CTSB: variants seen among roughly 807,000 people sequenced by gnomAD.
The protein encoded by CTSB is cathepsin B.
In CTSB, 57 loss-of-function variants were observed where a neutral mutation model predicts 44.3. The ratio of observed to expected loss-of-function variants is 1.29; its 90% CI spans 1.04 to 1.60. The LOEUF (loss-of-function observed/expected upper bound fraction) is 1.60. CTSB is among the 40% of genes most tolerant of loss of function. The probability of loss-of-function intolerance (pLI) is 0.00; values close to 1 mark genes in which losing one functional copy is unlikely to be tolerated. For synonymous variants in CTSB, 320 were observed against 168.0 expected (o/e 1.91, Z -7.00); for missense variants, 768 against 443.0 (o/e 1.73, Z -6.59).
chr8:11,857,685 A>G (rs918082962), intron 1 of CTSB, among the ~76,000 whole-genome samples: 1 of 151,978 alleles, frequency 6.6e-6, no homozygotes, highest in East Asian at 1.9e-4. Flanking sequence ...CCACTTCACT[A>G]GCAGGCGACT....
intron 8 of CTSB, chr8:11,846,318 G>C (rs1220179028): frequency 1.3e-5 from 2 of 152,406 alleles, no homozygotes; most frequent in African/African-American, 4.8e-5. Context: ...TGTCAAAGTG[G>C]AAATGCATCT....
At chr8:11,856,134 C>G (rs1815466377) in intron 1 of CTSB, among the ~76,000 whole-genome samples, 1 of 151,996 alleles carries the variant, frequency 6.6e-6, no homozygotes, top group Admixed American at 6.6e-5. Context: ...CAGTTTGGCA[C>G]TTCTTGCAGG....
chr8:11,848,923 G>A (rs1813980710), intron 5 of CTSB, 123 bp downstream of exon 5: 1 of 673,258 alleles, frequency 1.5e-6, no homozygotes, highest in East Asian at 2.9e-5. Flanking sequence ...GACTCTCGGA[G>A]TCTCCCCGAA....
chr8:11,848,824 G>A (rs944711185), intron 5 of CTSB: 2 of 470,140 alleles, frequency 4.3e-6, no homozygotes, highest in African/African-American at 3.9e-5. Flanking sequence ...CTGTTTTGCT[G>A]GGATGCCACC....
At chr8:11,863,998 C>G (rs151034183) in intron 1 of CTSB, among the ~76,000 whole-genome samples, 1 of 152,008 alleles carries the variant, frequency 6.6e-6, no homozygotes, top group Non-Finnish European at 1.5e-5. Flanking sequence ...ATAGTGAACA[C>G]GAAATAACAT....
In CTSB at chr8:11,848,036, G is replaced by A. The variant is rs144083065; in HGVS notation, c.532+31C>T. Reference sequence around the variant, plus strand: ...GGTTAATTGCTCAAACAATCCATCTGGCCAGAAAGTGGCCAAGGGGACACA... The same window carrying A: ...GGTTAATTGCTCAAACAATCCATCTAGCCAGAAAGTGGCCAAGGGGACACA... On this transcript the variant is annotated intron_variant, in intron 6 of 9. Coordinates refer to ENST00000353047, the MANE Select transcript of CTSB (RefSeq NM_001908.5). 3.6e-4 allele frequency: 557 copies of A among 1,545,100 alleles called. 2 individuals carry two copies. In the African/African-American group the frequency reaches 6.1e-3, roughly 17 times the overall value.
chr8:11,863,576 A>G (rs1816717735), intron 1 of CTSB, among the ~76,000 whole-genome samples: 1 of 152,196 alleles, frequency 6.6e-6, no homozygotes, highest in Admixed American at 6.5e-5. Context: ...TTGCACGAGT[A>G]AAAACATCAG....
rs2294140 is a variant in CTSB at position 11,848,168 on chromosome 8, C to G, written c.447-16G>C. 0.4 allele frequency: 636,057 copies of G among 1,609,610 alleles called. 126,809 individuals are homozygous for G. Among genetic ancestry groups the G allele is most frequent in the East Asian group, 0.48 (21,622 of 44,822 alleles). ...ACCATTACAGCTGAAAAGACAGCCTCTAATGAAAACCTCTGAGAGAAGCAC... is the reference window on the plus strand; with the variant it reads ...ACCATTACAGCTGAAAAGACAGCCTGTAATGAAAACCTCTGAGAGAAGCAC... On this transcript the variant is annotated splice_polypyrimidine_tract_variant and intron_variant, in intron 5 of 9. Coordinates refer to ENST00000353047, the MANE Select transcript of CTSB (RefSeq NM_001908.5).
Position 11,850,896 on chromosome 8 carries a change from G to C in CTSB, c.297C>G (p.Ile99Met), listed in dbSNP as rs144771892. The C allele has an allele frequency of 9.9e-6, 16 of 1,613,332 alleles. No homozygotes were observed. The highest frequency in any genetic ancestry group is 1.4e-5 in the Non-Finnish European group (16 of 1,179,586). The stretch of plus-strand genomic sequence containing the variant: ...AGGAGCCACAGGAGCCCTGGTCTCT[G>C]ATCTCTTTGATGGTGGGACACTGTG... Reference protein sequence around the residue: ...QWPQCPTIKEIRDQGSCGSCW... With the variant: ...QWPQCPTIKEMRDQGSCGSCW... Residue 99 changes from isoleucine (I) to methionine (M), a missense_variant, in exon 4 of 10, where the codon ATC becomes ATG. Ile to Met is a conservative substitution (Grantham distance 10, BLOSUM62 1). Coordinates refer to ENST00000353047, the MANE Select transcript of CTSB (RefSeq NM_001908.5).
intron 2 of CTSB, 70 bp from the exon 3 acceptor site, chr8:11,852,765 CGAA>C: frequency 7.0e-7 from 1 of 1,430,244 alleles, no homozygotes; most frequent in Non-Finnish European, 9.8e-7. Flanking sequence ...TGCCCACACA[CGAA>C]GCCCAACCCA....
chr8:11,863,866 G>A (rs1170696756), intron 1 of CTSB, among the ~76,000 whole-genome samples: 1 of 152,134 alleles, frequency 6.6e-6, no homozygotes, highest in Non-Finnish European at 1.5e-5. Flanking sequence ...CCCTTTGCCA[G>A]CATCTAGCAA....
Position 11,844,857 on chromosome 8 carries a change from G to C in CTSB, c.*268C>G, listed in dbSNP as rs1379354032. 6.9e-6 allele frequency: 3 copies of C among 432,260 alleles called. No homozygotes were observed. Among genetic ancestry groups the C allele is most frequent in the Non-Finnish European group, 1.3e-5 (3 of 238,508 alleles). 26.8% of individuals were successfully genotyped at this position (432,260 alleles called of 1,614,324 possible). On this transcript the variant is annotated 3_prime_UTR_variant, in exon 10 of 10. Transcript: ENST00000353047. ...TGGATCACGGAGGGGGCCACAGTCAGCTGGGGCAGCAGGTACTCCCTACGG... is the reference window on the plus strand; with the variant it reads ...TGGATCACGGAGGGGGCCACAGTCACCTGGGGCAGCAGGTACTCCCTACGG...
At chr8:11,851,337 G>A (rs1029143657) in intron 3 of CTSB, among the ~76,000 whole-genome samples, 3 of 151,226 alleles carry the variant, frequency 2.0e-5, no homozygotes, top group Admixed American at 6.6e-5. Flanking sequence ...TTACAGGCAT[G>A]CACCACCACA....
intron 2 of CTSB, 70 bp from the exon 3 acceptor site, chr8:11,852,765 C>A: frequency 7.0e-7 from 1 of 1,430,244 alleles, no homozygotes; most frequent in African/African-American, 1.4e-5. Flanking sequence ...TGCCCACACA[C>A]GAAGCCCAAC....
At chr8:11,862,726 T>A (rs1035785734) in intron 1 of CTSB, among the ~76,000 whole-genome samples, 1 of 152,226 alleles carries the variant, frequency 6.6e-6, no homozygotes, top group African/African-American at 2.4e-5. Context: ...CAGGAAGCTG[T>A]GTGACTGTGT....
chr8:11,846,651 C>T (rs890520648), intron 8 of CTSB, among the ~76,000 whole-genome samples: 8 of 152,196 alleles, frequency 5.3e-5, no homozygotes, highest in African/African-American at 1.4e-4. Context: ...AATGTGTCAG[C>T]CAGTGCAAAC....
At chr8:11,857,136 G>A (rs1815643981) in intron 1 of CTSB, among the ~76,000 whole-genome samples, 1 of 152,182 alleles carries the variant, frequency 6.6e-6, no homozygotes, top group African/African-American at 2.4e-5. Context: ...TGATTCTTGT[G>A]CCTCAGCCTC....
rs555544092 is a variant in CTSB, at chr8:11,843,727, T to C, written c.*1398A>G. The C allele has an allele frequency of 6.6e-6, 1 of 152,128 alleles. No individual in the cohort carries two copies. The highest frequency in any genetic ancestry group is 1.5e-5 in the Non-Finnish European group (1 of 68,032). The allele number at this position is 152,128 out of a possible 1,614,324, so 9.4% of individuals were successfully genotyped here. The stretch of plus-strand genomic sequence containing the variant: ...GCTGAATCCTCAGCTTGTTGCTGGA[T>C]TTGTGGCTGATAAAAAATACAGGCA... On this transcript the variant is annotated 3_prime_UTR_variant, in exon 10 of 10. Coordinates refer to ENST00000353047, the MANE Select transcript of CTSB (RefSeq NM_001908.5).
At chr8:11,855,300 G>A (rs902505468) in intron 1 of CTSB, among the ~76,000 whole-genome samples, 4 of 152,178 alleles carry the variant, frequency 2.6e-5, no homozygotes, top group Non-Finnish European at 4.4e-5. Flanking sequence ...GATGACAGGC[G>A]TGAGGCACCG....
Sources: allele counts gnomAD v4.1 joint callset (sites outside exome capture counted in the v4.1 genomes callset), GRCh38; gene constraint gnomAD v4.1.1; transcripts MANE v1.5; gene names NCBI Gene and HGNC (gene_info 2026-07-23, HGNC 2026-07-21).